Variants in PIGN observed in about 807,000 individuals in gnomAD.
PIGN encodes phosphatidylinositol glycan anchor biosynthesis class N, also known as GPI ethanolamine phosphate transferase 1.
A neutral mutation model predicts 125.4 loss-of-function variants in PIGN; 117 were observed. The observed-to-expected ratio is 0.93, with a 90% CI of 0.80 to 1.09. The LOEUF (loss-of-function observed/expected upper bound fraction) is 1.09. Among genes scored for constraint, PIGN ranks in the 50% least tolerant of loss-of-function variants. PIGN has a pLI of 0.00. For synonymous variants in PIGN, 392 were observed against 377.8 expected, an observed-to-expected ratio of 1.04 and a Z score of -0.44; for missense variants, 1,075 against 1,094.9, an observed-to-expected ratio of 0.98 and a Z score of 0.26.
chr18:62,094,771 C>G (rs2146187060), intron 23 of PIGN, among the ~76,000 whole-genome samples: 1 of 152,266 alleles, frequency 6.6e-6, no homozygotes, highest in Non-Finnish European at 1.5e-5. Context: ...CCATGACATT[C>G]ATATCACATC....
At chr18:62,060,955 A>G (rs1052905918) in intron 30 of PIGN, among the ~76,000 whole-genome samples, 1 of 152,220 alleles carries the variant, frequency 6.6e-6, no homozygotes, top group Non-Finnish European at 1.5e-5. Flanking sequence ...AAAATACTAA[A>G]TTAGCTCTGT....
chr18:62,040,052 C>T (rs1374690740), downstream of PIGN, among the ~76,000 whole-genome samples: 7 of 113,940 alleles, frequency 6.1e-5, no homozygotes, highest in African/African-American at 1.3e-4. Flanking sequence ...TCCAGAGTGC[C>T]GCACCCCATG....
At chr18:62,163,212 A>G (rs1002770722) in intron 2 of PIGN, among the ~76,000 whole-genome samples, 7 of 152,096 alleles carry the variant, frequency 4.6e-5, no homozygotes, top group Non-Finnish European at 8.8e-5. Flanking sequence ...TTTGATTATT[A>G]TAGTAGATTT....
At chr18:62,170,143 C>A (rs952219163) in intron 1 of PIGN, among the ~76,000 whole-genome samples, 3 of 152,116 alleles carry the variant, frequency 2.0e-5, no homozygotes, top group Non-Finnish European at 4.4e-5. Flanking sequence ...AGTATCTTTC[C>A]ATAGGCTTAC....
In PIGN at chr18:62,134,970, TACTC is replaced by T. The variant is rs371605871; in HGVS notation, c.1172+3269_1172+3272del. ...ATGTCCTTAATTTCCTCCAGCTTCTTACTCAATCCATCTACTACTTAAAATTCAT... is the reference window on the plus strand; with the variant it reads ...ATGTCCTTAATTTCCTCCAGCTTCTTAATCCATCTACTACTTAAAATTCAT... On this transcript the variant is annotated intron_variant, in intron 14 of 30. Transcript: ENST00000640252. Among the ~76,000 whole-genome samples, 245 of 152,336 alleles carry T rather than the reference TACTC, an allele frequency of 1.6e-3. 1 individual carries two copies. The highest frequency in any genetic ancestry group is 5.5e-3 in the African/African-American group (228 of 41,578).
intron 14 of PIGN, among the ~76,000 whole-genome samples, chr18:62,129,139 G>A (rs961927852): frequency 6.6e-6 from 1 of 152,130 alleles, no homozygotes; most frequent in Non-Finnish European, 1.5e-5. Context: ...GAGAGCAGAT[G>A]GTGTACAACT....
chr18:62,134,275 C>T (rs533341353), intron 14 of PIGN, among the ~76,000 whole-genome samples: 1 of 152,186 alleles, frequency 6.6e-6, no homozygotes, highest in African/African-American at 2.4e-5. Context: ...CTTGTAAGCC[C>T]AGCTACTCAG....
chr18:62,100,735 A>T lies in PIGN; in HGVS notation c.2077+340T>A, dbSNP rs1047548942. Among the ~76,000 whole-genome samples, 3 of 152,330 alleles carry T rather than the reference A, an allele frequency of 2.0e-5. No individual in the cohort carries two copies. In the East Asian group the frequency reaches 5.8e-4, roughly 29 times the overall value. On this transcript the variant is annotated intron_variant, in intron 22 of 30. Transcript: ENST00000640252. ...TTAAACATTTCCCAGTCCCTGTGTA[A>T]GAACAGAGAATTTATGAATTGGCAT... is the stretch of plus-strand genomic sequence containing the variant.
rs182071323 is a variant in PIGN at position 62,048,388 on chromosome 18, A to G, written c.2673-2409T>C. ...TAAACCCAAAGCAATCCACACAAAG[A>G]CACATCAAATTACTAAAAACTAAAA... On this transcript the variant is annotated intron_variant, in intron 30 of 30. Transcript: ENST00000640252. Among the ~76,000 whole-genome samples the G allele has an allele frequency of 2.6e-5, 4 of 152,300 alleles. No individual in the cohort carries two copies. The East Asian group carries it at 7.7e-4, about 29-fold the overall frequency.
intron 14 of PIGN, among the ~76,000 whole-genome samples, chr18:62,128,844 A>G (rs1376670842): frequency 6.6e-6 from 1 of 152,136 alleles, no homozygotes; most frequent in African/African-American, 2.4e-5. Context: ...TAACATGAAA[A>G]ATGTAAGGCA....
chr18:62,185,939 G>T (rs181013532), intron 1 of PIGN, among the ~76,000 whole-genome samples: 172 of 152,102 alleles, frequency 1.1e-3, no homozygotes, highest in African/African-American at 4.0e-3. Context: ...ATTCTAGCCT[G>T]CATGAACGAG....
chr18:62,151,132 T>C (rs1421669511), intron 7 of PIGN, among the ~76,000 whole-genome samples: 3 of 152,138 alleles, frequency 2.0e-5, no homozygotes, highest in Admixed American at 2.0e-4. Context: ...TGGGGTTATA[T>C]CCCAATAAAC....
chr18:62,074,984 T>A (rs1039246276), intron 28 of PIGN, 163 bp from the exon 29 acceptor site: 27 of 536,238 alleles, frequency 5.0e-5, no homozygotes, highest in Admixed American at 6.4e-5. Flanking sequence ...TGGGTGACCA[T>A]ACCATAGAGA....
At chr18:62,032,557 C>T (rs2030206160) in intron 23 of PIGN, among the ~76,000 whole-genome samples, 2 of 152,196 alleles carry the variant, frequency 1.3e-5, no homozygotes, top group South Asian at 2.1e-4. Flanking sequence ...AGTTTCCACA[C>T]CACCTGGTTA....
chr18:62,182,752 G>A (rs78331156), intron 1 of PIGN, among the ~76,000 whole-genome samples: 2,734 of 151,854 alleles, frequency 0.018, 84 homozygotes, highest in African/African-American at 0.062. Flanking sequence ...CTTCTGTGAA[G>A]CATTCACTGT....
At chr18:62,167,679 A>ACTCT (rs148742862) in intron 1 of PIGN, among the ~76,000 whole-genome samples, 2 of 141,422 alleles carry the variant, frequency 1.4e-5, no homozygotes, top group Admixed American at 7.0e-5. Flanking sequence ...TCCATAACAC[A>ACTCT]CTCTCTCTCT....
At chr18:62,171,226 C>G (rs1034034598) in intron 1 of PIGN, among the ~76,000 whole-genome samples, 8 of 151,978 alleles carry the variant, frequency 5.3e-5, no homozygotes, top group African/African-American at 1.9e-4. Flanking sequence ...TTTTAAATAC[C>G]ATCTTTACAA....
intron 1 of PIGN, among the ~76,000 whole-genome samples, chr18:62,167,681 T>A (rs1297482706): frequency 2.1e-4 from 11 of 52,894 alleles, no homozygotes; most frequent in Admixed American, 1.2e-3. Flanking sequence ...CATAACACAC[T>A]CTCTCTCTCT....
chr18:62,024,811 C>T (rs1305791710), intron 23 of PIGN, among the ~76,000 whole-genome samples: 2 of 152,156 alleles, frequency 1.3e-5, no homozygotes, highest in South Asian at 2.1e-4. Context: ...AACATAGCAA[C>T]ACCTGGTTTC....
Sources: allele counts gnomAD v4.1 joint callset (sites outside exome capture counted in the v4.1 genomes callset), GRCh38; gene constraint gnomAD v4.1.1; transcripts MANE v1.5; gene names NCBI Gene and HGNC (gene_info 2026-07-23, HGNC 2026-07-21).